UBR2: variants seen among roughly 807,000 people sequenced by gnomAD.
The protein encoded by UBR2 is ubiquitin protein ligase E3 component n-recognin 2, also known as E3 ubiquitin-protein ligase UBR2.
A neutral mutation model predicts 247.9 loss-of-function variants in UBR2; 92 were observed. That is an observed-to-expected ratio of 0.37 (90% CI 0.31 to 0.44). The LOEUF is 0.44. Among genes scored for constraint, UBR2 ranks in the 20% least tolerant of loss-of-function variants. The pLI, the probability that UBR2 is intolerant of heterozygous loss-of-function variation, is 1.00. For synonymous variants in UBR2, 672 were observed against 693.5 expected, an observed-to-expected ratio of 0.97 and a Z score of 0.49; for missense variants, 1,613 against 2,112.6, an observed-to-expected ratio of 0.76 and a Z score of 4.64.
chr6:42,682,115 G>A (rs1799092822), intron 42 of UBR2, among the ~76,000 whole-genome samples: 1 of 152,140 alleles, frequency 6.6e-6, no homozygotes, highest in Non-Finnish European at 1.5e-5. Context: ...GCTACAACGT[G>A]GATGAACCTT....
In UBR2 at chr6:42,605,919, G is replaced by A. The variant is rs1793667815; in HGVS notation, c.801+60G>A. 14 of 1,380,546 alleles carry A rather than the reference G, an allele frequency of 1.0e-5. No homozygotes were observed. In the South Asian group the frequency reaches 1.9e-4, roughly 18 times the overall value. The allele number at this position is 1,380,546 out of a possible 1,614,324, so 85.5% of individuals were successfully genotyped here. A position where few individuals can be genotyped will look rare whatever the true frequency, so the allele number is the denominator to read the frequency against. On this transcript the variant is annotated intron_variant, in intron 6 of 46. Transcript: ENST00000372901. ...TTTTTACTATAGGTAAGTTACTATAGGTAACTGGAGAATTGAGTTAAAGAT... is the reference window on the plus strand; with the variant it reads ...TTTTTACTATAGGTAAGTTACTATAAGTAACTGGAGAATTGAGTTAAAGAT...
At chr6:42,686,876 C>A (rs1029291781) in intron 44 of UBR2, among the ~76,000 whole-genome samples, 1 of 151,804 alleles carries the variant, frequency 6.6e-6, no homozygotes, top group African/African-American at 2.4e-5. Flanking sequence ...CACTCCTCAC[C>A]TCCCAGACAG....
chr6:42,617,223 T>C (rs1450054718), intron 10 of UBR2, 186 bp from the exon 11 acceptor site: 3 of 1,611,424 alleles, frequency 1.9e-6, no homozygotes, highest in Non-Finnish European at 2.5e-6. Context: ...GAGGTGAATC[T>C]CCCCCTTGTT....
rs372397972 is a variant in UBR2, at chr6:42,642,497, C to T, written c.2097+16C>T. ...AATGCTTCAGGTAATGAATTAAAAG[C>T]ATTGAACTTAAAGGTTGTGGGGAAT... is the stretch of plus-strand genomic sequence containing the variant. On this transcript the variant is annotated intron_variant, in intron 18 of 46. Transcript: ENST00000372901. The T allele has an allele frequency of 1.2e-5, 19 of 1,597,938 alleles. No homozygotes were observed. The highest frequency in any genetic ancestry group is 1.5e-5 in the Non-Finnish European group (17 of 1,167,568).
chr6:42,565,342 A>G (rs1221276965), intron 1 of UBR2, among the ~76,000 whole-genome samples: 1 of 152,200 alleles, frequency 6.6e-6, no homozygotes, highest in Non-Finnish European at 1.5e-5. Context: ...GCTGCTAGGA[A>G]GGGAGTGACC....
At chr6:42,639,959 C>T (rs1220490128) in intron 15 of UBR2, among the ~76,000 whole-genome samples, 2 of 152,080 alleles carry the variant, frequency 1.3e-5, no homozygotes, top group African/African-American at 4.8e-5. Context: ...ACCCGGGAGG[C>T]GGAGCTTGCA....
At chr6:42,684,950 T>G in intron 44 of UBR2, 79 bp downstream of exon 44, 1 of 1,217,658 alleles carries the variant, frequency 8.2e-7, no homozygotes, top group Non-Finnish European at 1.2e-6. Context: ...ATTTTGTTGT[T>G]GTTCTTTGTT....
intron 23 of UBR2, 57 bp from the exon 24 acceptor site, chr6:42,651,966 C>A: frequency 6.7e-7 from 1 of 1,481,962 alleles, no homozygotes; most frequent in Non-Finnish European, 9.1e-7. Flanking sequence ...AAAAATTAAC[C>A]AGGTGTGGTG....
In UBR2 at chr6:42,659,520, T is replaced by TATAC. The variant is rs1404867350; in HGVS notation, c.3243-135_3243-134insTACA. 3.7e-3 allele frequency: 1,872 copies of TATAC among 502,602 alleles called. 44 individuals carry two copies. The Admixed American group carries it at 0.051, about 14-fold the overall frequency. 31.1% of individuals were successfully genotyped at this position (502,602 alleles called of 1,614,324 possible). On this transcript the variant is annotated intron_variant, in intron 29 of 46. Coordinates refer to ENST00000372901, the MANE Select transcript of UBR2 (RefSeq NM_001363705.2). The surrounding 1 kb of genome is among the most constrained non-coding windows in gnomAD (Gnocchi z 4.3). ...GTCTCAAAAAATAAATAAATATATA[T>TATAC]ACACACACACACACACACACACACA...
rs751801434 is a variant in UBR2 at position 42,693,148 on chromosome 6, C to G, written c.*1975C>G. The G allele has an allele frequency of 6.9e-5, 6 of 86,784 alleles. No homozygotes were observed. The highest frequency in any genetic ancestry group is 1.4e-4 in the Admixed American group (1 of 7,240). The allele number at this position is 86,784 out of a possible 1,614,324, so 5.4% of individuals were successfully genotyped here. On this transcript the variant is annotated 3_prime_UTR_variant, in exon 47 of 47. Transcript: ENST00000372901. Reference sequence around the variant, plus strand: ...ATACTCCAGCTTTCCGGTCCGACTTCCTAGGAGCCTGGAGTTAGCAAAGGT... The same window carrying G: ...ATACTCCAGCTTTCCGGTCCGACTTGCTAGGAGCCTGGAGTTAGCAAAGGT...
intron 42 of UBR2, among the ~76,000 whole-genome samples, chr6:42,680,237 C>T (rs1355695916): frequency 6.6e-6 from 1 of 152,146 alleles, no homozygotes; most frequent in Non-Finnish European, 1.5e-5. Context: ...TCACCCACCT[C>T]GGCCTTCCAA....
At chr6:42,674,878 T>C (rs1321144910) in intron 38 of UBR2, among the ~76,000 whole-genome samples, 1 of 152,100 alleles carries the variant, frequency 6.6e-6, no homozygotes, top group East Asian at 1.9e-4. Flanking sequence ...GAGAGCCCCT[T>C]ATAATTCAGG....
chr6:42,571,800 C>G (rs2151901116), intron 1 of UBR2, among the ~76,000 whole-genome samples: 1 of 149,234 alleles, frequency 6.7e-6, no homozygotes, highest in East Asian at 2.0e-4. Flanking sequence ...TTTTGGTTTG[C>G]TGACAATGGG....
chr6:42,580,974 C>T (rs1791851472), intron 2 of UBR2, among the ~76,000 whole-genome samples: 1 of 147,538 alleles, frequency 6.8e-6, no homozygotes, highest in Non-Finnish European at 1.5e-5. Context: ...TTGATATTGT[C>T]ACCTTAGATT....
rs1255447927 is a variant in UBR2 at position 42,601,864 on chromosome 6, C to CT, written c.532-1714dup. On this transcript the variant is annotated intron_variant, in intron 4 of 46. Transcript: ENST00000372901. Reference sequence around the variant, plus strand: ...GCATCTTTGTCCTTTTTTCTCCATTCTTTTTTTTTTCTTTTTTTTTTTTTT... The same window carrying CT: ...GCATCTTTGTCCTTTTTTCTCCATTCTTTTTTTTTTTCTTTTTTTTTTTTTT... Among the ~76,000 whole-genome samples, 21 of 137,850 alleles carry CT rather than the reference C, an allele frequency of 1.5e-4. 1 individual carries two copies. The highest frequency in any genetic ancestry group is 3.7e-3 in the Middle Eastern group (1 of 268). The allele number at this position is 137,850 out of a possible 152,430, so 90.4% of individuals were successfully genotyped here.
At chr6:42,638,641 G>A (rs1796251656) in intron 15 of UBR2, among the ~76,000 whole-genome samples, 1 of 152,106 alleles carries the variant, frequency 6.6e-6, no homozygotes, top group African/African-American at 2.4e-5. Flanking sequence ...CTCAACACAG[G>A]CAATTGATGG....
chr6:42,620,609 G>A (rs934615087), intron 11 of UBR2, among the ~76,000 whole-genome samples: 3 of 149,102 alleles, frequency 2.0e-5, no homozygotes, highest in Admixed American at 6.7e-5. Flanking sequence ...GACTACATGC[G>A]TGCCCAGCTA....
intron 25 of UBR2, among the ~76,000 whole-genome samples, chr6:42,653,341 C>T (rs980149441): frequency 1.3e-4 from 20 of 152,296 alleles, no homozygotes; most frequent in African/African-American, 4.8e-4. Flanking sequence ...CCTCGGCCTC[C>T]CCAAGTATTG....
chr6:42,682,631 G>A (rs2151993139), intron 42 of UBR2, among the ~76,000 whole-genome samples: 1 of 152,088 alleles, frequency 6.6e-6, no homozygotes, highest in African/African-American at 2.4e-5. Context: ...TATTGCCCAG[G>A]CTGGTCTCAA....
Sources: allele counts gnomAD v4.1 joint callset (sites outside exome capture counted in the v4.1 genomes callset), GRCh38; gene constraint gnomAD v4.1.1; non-coding constraint Gnocchi (gnomAD v3.1); transcripts MANE v1.5; gene names NCBI Gene and HGNC (gene_info 2026-07-23, HGNC 2026-07-21).